ZFR: variants seen among roughly 807,000 people sequenced by gnomAD.
ZFR encodes the protein zinc finger RNA binding protein.
Under a neutral mutation model 130.7 loss-of-function variants are expected in ZFR, and 19 were observed. The observed-to-expected ratio is 0.15, with a 90% CI of 0.10 to 0.21. The LOEUF is 0.21. Ranked by LOEUF, ZFR falls within the 10% of genes least tolerant of loss-of-function variation. ZFR has a pLI of 1.00. For missense variants in ZFR, 872 were observed against 1,321.5 expected (o/e 0.66, Z 5.27); for synonymous variants, 466 against 456.9 (o/e 1.02, Z -0.25).
At chr5:32,410,401 G>C (rs1464895056) in intron 5 of ZFR, among the ~76,000 whole-genome samples, 1 of 151,922 alleles carries the variant, frequency 6.6e-6, no homozygotes, top group African/African-American at 2.4e-5. Context: ...TTGAGCTCAG[G>C]AGTTCGAGAC....
intron 2 of ZFR, among the ~76,000 whole-genome samples, chr5:32,424,532 C>CAA (rs575935210): frequency 1.4e-3 from 89 of 62,584 alleles, no homozygotes; most frequent in African/African-American, 2.0e-3. Flanking sequence ...GACTCCGTCT[C>CAA]AAAAAAAAAA....
At chr5:32,380,048 A>T in intron 16 of ZFR, 27 bp downstream of exon 16, 1 of 1,603,744 alleles carries the variant, frequency 6.2e-7, no homozygotes, top group Middle Eastern at 1.7e-4. Context: ...TAAGGCTACA[A>T]GAAAAAAGTA....
intron 2 of ZFR, among the ~76,000 whole-genome samples, chr5:32,429,784 A>C (rs1754161872): frequency 6.6e-6 from 1 of 152,174 alleles, no homozygotes; most frequent in African/African-American, 2.4e-5. Context: ...AAAAATCTTA[A>C]GAGGCCAGGC....
Position 32,364,251 on chromosome 5 carries a change from C to T in ZFR, c.2860G>A (p.Ala954Thr). The T allele has an allele frequency of 6.2e-7, 1 of 1,609,568 alleles. No individual in the cohort carries two copies. Among genetic ancestry groups the T allele is most frequent in the Non-Finnish European group, 8.5e-7 (1 of 1,176,588 alleles). Residue 954 changes from alanine to threonine, a missense_variant, in exon 18 of 20, where the codon GCA (alanine) becomes ACA (threonine). Ala to Thr is a moderately conservative substitution (Grantham distance 58, BLOSUM62 0). Coordinates refer to ENST00000265069, the MANE Select transcript of ZFR (RefSeq NM_016107.5). Reference sequence around the variant, plus strand: ...TGAGGGCTAGAAGCACTGCTGATTGCTTTCTCTACTAGTAACTCCATAGCC... The same window carrying T: ...TGAGGGCTAGAAGCACTGCTGATTGTTTTCTCTACTAGTAACTCCATAGCC... ...SWAMELLVEKAISSASSPQSP... is the reference protein window; with the variant it reads ...SWAMELLVEKTISSASSPQSP...
intron 19 of ZFR, 35 bp from the exon 20 acceptor site, chr5:32,355,974 GA>G (rs1304269986): frequency 3.9e-6 from 6 of 1,539,372 alleles, no homozygotes; most frequent in Non-Finnish European, 5.2e-6. Context: ...TGAGTTAATT[GA>G]AAAACCCCAA....
chr5:32,381,865 A>C (rs1752943160), intron 15 of ZFR, among the ~76,000 whole-genome samples: 1 of 152,222 alleles, frequency 6.6e-6, no homozygotes, highest in South Asian at 2.1e-4. Context: ...AAAAGAAGTT[A>C]TCAAGACAAA....
intron 2 of ZFR, among the ~76,000 whole-genome samples, chr5:32,420,800 A>C (rs189933646): frequency 1.3e-5 from 2 of 152,224 alleles, no homozygotes; most frequent in African/African-American, 4.8e-5. Context: ...AGAATTATTT[A>C]AAGTATGTCA....
At chr5:32,425,616 C>G (rs1023318239) in intron 2 of ZFR, among the ~76,000 whole-genome samples, 2 of 152,172 alleles carry the variant, frequency 1.3e-5, no homozygotes, top group Non-Finnish European at 2.9e-5. Flanking sequence ...CAACCTCCGC[C>G]TCCTAGGTCA....
At chr5:32,393,695 C>T (rs927943149) in intron 11 of ZFR, among the ~76,000 whole-genome samples, 11 of 152,152 alleles carry the variant, frequency 7.2e-5, no homozygotes, top group Non-Finnish European at 1.6e-4. Flanking sequence ...CATAAGGACT[C>T]TTTGGAGTCC....
At chr5:32,433,239 A>T (rs1754261733) in intron 2 of ZFR, among the ~76,000 whole-genome samples, 1 of 152,210 alleles carries the variant, frequency 6.6e-6, no homozygotes, top group African/African-American at 2.4e-5. Flanking sequence ...TTTTAATTTT[A>T]GTCATTTAAC....
chr5:32,385,907 G>T (rs1753036803), intron 14 of ZFR, among the ~76,000 whole-genome samples: 1 of 152,034 alleles, frequency 6.6e-6, no homozygotes, highest in African/African-American at 2.4e-5. Flanking sequence ...ATCTCTCTTA[G>T]ATAATAAATT....
At chr5:32,434,673 T>C (rs982279936) in intron 2 of ZFR, among the ~76,000 whole-genome samples, 3 of 152,202 alleles carry the variant, frequency 2.0e-5, no homozygotes, top group Non-Finnish European at 4.4e-5. Context: ...ATTCACAGAA[T>C]GATAAAACAG....
At position 32,403,993 on chromosome 5, in the gene ZFR, T is replaced by G. The variant is rs754499226; in HGVS notation, c.1137A>C (p.Gln379His). Residue 379 changes from glutamine (Q) to histidine (H), a missense_variant, in exon 7 of 20, where the codon CAA becomes CAC. Physicochemically the swap from Gln to His is conservative, Grantham distance 24. Around this residue, in one of 7 missense-constraint regions of ZFR, gnomAD observed 31 missense variants for 21.8 expected, o/e 1.42. Coordinates refer to ENST00000265069, the MANE Select transcript of ZFR (RefSeq NM_016107.5). Reference protein sequence around the residue: ...SSSNSSTRGTQNQLRCELCDV... With the variant: ...SSSNSSTRGTHNQLRCELCDV... ...CGCAGAGCTCACAACGTAGCTGATT[T>G]TGAGTCCCACGAGTAGAACTGTTGC... The G allele has an allele frequency of 3.1e-6, 5 of 1,614,044 alleles. No homozygotes were observed. The Admixed American group carries it at 8.3e-5, about 27-fold the overall frequency.
At chr5:32,368,239 T>C (rs1007238067) in intron 17 of ZFR, among the ~76,000 whole-genome samples, 28 of 876 alleles carry the variant, frequency 0.032, no homozygotes, top group African/African-American at 0.098. Context: ...GCATCAAAAC[T>C]TTTTTCCCCC....
intron 2 of ZFR, among the ~76,000 whole-genome samples, chr5:32,433,070 T>C (rs1249209631): frequency 6.6e-6 from 1 of 152,224 alleles, no homozygotes; most frequent in East Asian, 1.9e-4. Flanking sequence ...AGACAGCTTA[T>C]CCTACAATTC....
intron 1 of ZFR, 58 bp downstream of exon 1, chr5:32,444,563 CG>C: frequency 6.9e-7 from 1 of 1,439,522 alleles, no homozygotes; most frequent in Non-Finnish European, 9.1e-7. Flanking sequence ...CGCGGCTCCC[CG>C]CTGCCCGGGG....
At chr5:32,365,272 C>A (rs1752517699) in intron 17 of ZFR, among the ~76,000 whole-genome samples, 1 of 152,128 alleles carries the variant, frequency 6.6e-6, no homozygotes, top group Admixed American at 6.5e-5. Flanking sequence ...TAGTGAGAAT[C>A]CATACTTTTG....
chr5:32,393,903 C>T (rs1243451247), intron 11 of ZFR, among the ~76,000 whole-genome samples: 5 of 152,064 alleles, frequency 3.3e-5, no homozygotes, highest in Admixed American at 1.3e-4. Context: ...AAAAAAGTGC[C>T]TCAAGGAGGG....
chr5:32,415,485 A>AGTGTGTGTGTGTGTGT (rs3065262), intron 4 of ZFR, among the ~76,000 whole-genome samples: 90 of 136,302 alleles, frequency 6.6e-4, no homozygotes, highest in African/African-American at 2.0e-3. Context: ...TCTGAAAAGG[A>AGTGTGTGTGTGTGTGT]GTGTGTGTGT....
Sources: gnomAD v4.1 joint callset for allele counts (sites outside exome capture counted in the v4.1 genomes callset) on GRCh38, gnomAD v4.1.1 for gene constraint, gnomAD v4.1.1 regional missense constraint, MANE v1.5 for transcripts, NCBI Gene and HGNC (gene_info 2026-07-23, HGNC 2026-07-21) for gene names.